Variants in PRKN observed in about 807,000 individuals in gnomAD.
PRKN encodes parkin RBR E3 ubiquitin protein ligase.
PRKN carries 56 observed loss-of-function variants against 59.5 expected under a neutral mutation model. The ratio of observed to expected loss-of-function variants is 0.94; its 90% CI spans 0.76 to 1.18. The LOEUF (loss-of-function observed/expected upper bound fraction) is 1.18, where lower values mean the gene tolerates loss of function less well. Ranked by LOEUF, PRKN falls within the 50% of genes most tolerant of loss-of-function variation. PRKN has a pLI of 0.00. For missense variants in PRKN, 657 were observed against 596.4 expected (o/e 1.10, Z -1.06); for synonymous variants, 250 against 222.1 (o/e 1.13, Z -1.12).
chr6:161,586,200 T>C (rs1315545523), intron 7 of PRKN, among the ~76,000 whole-genome samples: 1 of 152,156 alleles, frequency 6.6e-6, no homozygotes, highest in South Asian at 2.1e-4. Flanking sequence ...ATTTTTTATA[T>C]AGAGACAGGA....
intron 1 of PRKN, among the ~76,000 whole-genome samples, chr6:162,450,291 T>TA (rs1485357402): frequency 1.5e-5 from 2 of 130,280 alleles, no homozygotes; most frequent in African/African-American, 7.7e-5. Flanking sequence ...CCTTTGAGTG[T>TA]AACACCCCTG....
intron 1 of PRKN, among the ~76,000 whole-genome samples, chr6:162,618,463 C>T (rs557769660): frequency 1.3e-5 from 2 of 152,136 alleles, no homozygotes; most frequent in African/African-American, 2.4e-5. Flanking sequence ...TAAATTTATA[C>T]AATTATATGG....
intron 6 of PRKN, among the ~76,000 whole-genome samples, chr6:161,824,706 C>CAT (rs1562319196): frequency 1.4e-4 from 21 of 152,244 alleles, no homozygotes; most frequent in African/African-American, 5.1e-4. Context: ...TAATGAACTG[C>CAT]GTGTAGCAAT....
At chr6:161,657,845 G>C (rs1412863926) in intron 7 of PRKN, among the ~76,000 whole-genome samples, 1 of 151,844 alleles carries the variant, frequency 6.6e-6, no homozygotes, top group Non-Finnish European at 1.5e-5. Context: ...GGCCAATATG[G>C]TGAAACCTTG....
rs766949960 is a variant in PRKN, at chr6:161,352,755, G to GTGTGTGTGTGTGTGTGTATA, written c.1286-2545_1286-2544insTATACACACACACACACACA. Among the ~76,000 whole-genome samples the GTGTGTGTGTGTGTGTGTATA allele has an allele frequency of 7.4e-6, 1 of 134,378 alleles. No homozygotes were observed. The highest frequency in any genetic ancestry group is 2.6e-4 in the South Asian group (1 of 3,842). 88.2% of individuals were successfully genotyped at this position (134,378 alleles called of 152,430 possible). A position where few individuals can be genotyped will look rare whatever the true frequency, so the allele number is the denominator to read the frequency against. ...TGTGTGTGTGTGTGTGTGTGTGTGT[G>GTGTGTGTGTGTGTGTGTATA]TATATATATATATATATTTTATTTT... On this transcript the variant is annotated intron_variant, in intron 11 of 11. Transcript: ENST00000366898. This position sits in a 1 kb window ranked among gnomAD's most constrained non-coding sequence, Gnocchi z 5.8.
rs963060153 is a variant in PRKN, at chr6:161,818,364, T to G, written c.735-32456A>C. On this transcript the variant is annotated intron_variant, in intron 6 of 11. Transcript: ENST00000366898. ...TTTTTTAATTTTTAGAGATGGGGTC[T>G]CACTCTGTCACCCAGGCTGGAGTGC... 2.0e-5 allele frequency among the ~76,000 whole-genome samples: 3 copies of G among 151,738 alleles called. No individual in the cohort carries two copies. In the East Asian group the frequency reaches 5.8e-4, roughly 29 times the overall value.
chr6:162,606,656 G>C (rs1378282013), intron 1 of PRKN, among the ~76,000 whole-genome samples: 2 of 152,152 alleles, frequency 1.3e-5, no homozygotes, highest in South Asian at 4.1e-4. Context: ...TGATAGATTT[G>C]ATATTGACAT....
intron 2 of PRKN, among the ~76,000 whole-genome samples, chr6:162,348,131 A>G (rs1280355579): frequency 2.0e-5 from 3 of 152,180 alleles, no homozygotes; most frequent in Non-Finnish European, 4.4e-5. Flanking sequence ...AGTGTCAGGG[A>G]CCCACGAGGG....
At chr6:161,573,338 G>A (rs1225437852) in intron 7 of PRKN, among the ~76,000 whole-genome samples, 1 of 152,120 alleles carries the variant, frequency 6.6e-6, no homozygotes, top group East Asian at 1.9e-4. Flanking sequence ...TAATTGATAT[G>A]TTTTTATTTG....
chr6:162,633,951 A>C (rs1777614076), intron 1 of PRKN, among the ~76,000 whole-genome samples: 1 of 152,212 alleles, frequency 6.6e-6, no homozygotes, highest in Non-Finnish European at 1.5e-5. Flanking sequence ...GAAAACAGTA[A>C]AGGAGAAATG....
In PRKN at chr6:161,927,786, A is replaced by AAT. The variant is rs1554250178; in HGVS notation, c.734+45515_734+45516insAT. On this transcript the variant is annotated intron_variant, in intron 6 of 11. Transcript: ENST00000366898. ...TGAAACTCTGTTTAAAAAAAAAAAA[A>AAT]ACTTTACAAAAATAAACAGTACCAT... 3.8e-3 allele frequency among the ~76,000 whole-genome samples: 578 copies of AAT among 151,736 alleles called. 4 individuals carry two copies. The highest frequency in any genetic ancestry group is 0.013 in the African/African-American group (553 of 41,376).
At chr6:162,387,268 A>C (rs535096859) in intron 2 of PRKN, among the ~76,000 whole-genome samples, 1 of 151,296 alleles carries the variant, frequency 6.6e-6, no homozygotes, top group South Asian at 2.1e-4. Flanking sequence ...TCTCCAACCA[A>C]ATGTTTACTG....
chr6:161,812,587 T>C (rs765731536), intron 6 of PRKN, among the ~76,000 whole-genome samples: 26 of 152,078 alleles, frequency 1.7e-4, no homozygotes, highest in Admixed American at 1.3e-4. Flanking sequence ...TTTGAATAGA[T>C]GCCACAGTAA....
chr6:162,479,758 T>G (rs978275577), intron 1 of PRKN, among the ~76,000 whole-genome samples: 8 of 45,468 alleles, frequency 1.8e-4, no homozygotes, highest in African/African-American at 3.8e-4. Context: ...CAGTTATCTG[T>G]TTTTTTTTCT....
At chr6:161,645,567 G>C (rs1783894763) in intron 7 of PRKN, among the ~76,000 whole-genome samples, 1 of 152,324 alleles carries the variant, frequency 6.6e-6, no homozygotes, top group East Asian at 1.9e-4. Flanking sequence ...CTATAAAGCA[G>C]TTTGATTGAT....
At chr6:161,421,010 C>T (rs1209673489) in intron 9 of PRKN, among the ~76,000 whole-genome samples, 1 of 152,052 alleles carries the variant, frequency 6.6e-6, no homozygotes, top group African/African-American at 2.4e-5. Context: ...GTATGTGAAC[C>T]ATTGGAGACA....
chr6:162,354,553 A>C (rs1449927535), intron 2 of PRKN, among the ~76,000 whole-genome samples: 1 of 152,086 alleles, frequency 6.6e-6, no homozygotes, highest in East Asian at 1.9e-4. Context: ...TAAAAATAAG[A>C]TGGCATTTCC....
chr6:162,450,064 C>T lies in PRKN; in HGVS notation c.8-6591G>A, dbSNP rs117673028. 4.6e-5 allele frequency among the ~76,000 whole-genome samples: 7 copies of T among 152,302 alleles called. No homozygotes were observed. The East Asian group carries it at 9.7e-4, about 21-fold the overall frequency. ...AAGAAGCAAAACACCAAGACTGGGA[C>T]ACCTGCCTCCGAGGAGACACAGAAG... On this transcript the variant is annotated intron_variant, in intron 1 of 11. Transcript: ENST00000366898.
intron 9 of PRKN, among the ~76,000 whole-genome samples, chr6:161,443,714 G>T (rs140077932): frequency 1.3e-5 from 2 of 151,990 alleles, no homozygotes; most frequent in African/African-American, 2.4e-5. Context: ...GAAATCCTCC[G>T]CAGTCATTAG....
Sources: allele counts gnomAD v4.1 joint callset (sites outside exome capture counted in the v4.1 genomes callset), GRCh38; gene constraint gnomAD v4.1.1; non-coding constraint Gnocchi (gnomAD v3.1); transcripts MANE v1.5; gene names NCBI Gene and HGNC (gene_info 2026-07-23, HGNC 2026-07-21).